THOC1: variants seen among roughly 807,000 people sequenced by gnomAD.
The protein encoded by THOC1 is THO complex 1.
THOC1 carries 29 observed loss-of-function variants against 97.3 expected under a neutral mutation model. That is an observed-to-expected ratio of 0.30 (90% CI 0.22 to 0.41). The LOEUF is 0.41. Among genes scored for constraint, THOC1 ranks in the 10% least tolerant of loss-of-function variants. THOC1 has a pLI of 1.00. For synonymous variants in THOC1, 255 were observed against 257.0 expected, an observed-to-expected ratio of 0.99 and a Z score of 0.07; for missense variants, 529 against 761.9, an observed-to-expected ratio of 0.69 and a Z score of 3.60.
chr18:218,404 C>T (rs1598286082), intron 18 of THOC1, among the ~76,000 whole-genome samples: 1 of 152,172 alleles, frequency 6.6e-6, no homozygotes, highest in East Asian at 1.9e-4. Context: ...GAGGCTAAGA[C>T]CAATTCCTGA....
chr18:249,992 T>A (rs560380149), intron 9 of THOC1, among the ~76,000 whole-genome samples: 29 of 152,206 alleles, frequency 1.9e-4, no homozygotes, highest in Non-Finnish European at 3.4e-4. Flanking sequence ...TTGTCTCAAT[T>A]GCTAAGAACT....
At position 242,204 on chromosome 18, in the gene THOC1, T is replaced by A; in HGVS notation, c.918+4120A>T. 6.6e-6 allele frequency among the ~76,000 whole-genome samples: 1 copy of A among 151,740 alleles called. No individual in the cohort carries two copies. The highest frequency in any genetic ancestry group is 2.1e-4 in the South Asian group (1 of 4,822). ...AAAGTTTATATCATCTGGCTGGGCGTGGTGGCTCACGCCTGTAATCCCTGC... is the reference window on the plus strand; with the variant it reads ...AAAGTTTATATCATCTGGCTGGGCGAGGTGGCTCACGCCTGTAATCCCTGC... On this transcript the variant is annotated intron_variant, in intron 11 of 20. Coordinates refer to ENST00000261600, the MANE Select transcript of THOC1 (RefSeq NM_005131.3). The surrounding 1 kb of genome is among the most constrained non-coding windows in gnomAD (Gnocchi z 4.5).
chr18:224,498 G>C (rs548618210), intron 15 of THOC1, among the ~76,000 whole-genome samples: 1 of 151,140 alleles, frequency 6.6e-6, no homozygotes, highest in Admixed American at 6.6e-5. Context: ...AGAATCGCTT[G>C]AACCCAAGAG....
At chr18:235,353 G>A (rs1911643363) in intron 11 of THOC1, among the ~76,000 whole-genome samples, 1 of 151,940 alleles carries the variant, frequency 6.6e-6, no homozygotes, top group African/African-American at 2.4e-5. Flanking sequence ...ATTTCACTAA[G>A]TTGTGCTATT....
chr18:253,168 T>C (rs949232420), intron 8 of THOC1, among the ~76,000 whole-genome samples: 2 of 152,232 alleles, frequency 1.3e-5, no homozygotes, highest in African/African-American at 4.8e-5. Context: ...CATGTGCCAC[T>C]GGTGGCTGTA....
In THOC1 at chr18:214,848, T is replaced by C. The variant is rs201476225; in HGVS notation, c.1752A>G (p.Gln584=). Residue 584 remains glutamine, a synonymous_variant, in exon 21 of 21, where the codon CAA becomes CAG. Coordinates refer to ENST00000261600, the MANE Select transcript of THOC1 (RefSeq NM_005131.3). ...CCAAGTAGGGAGCCAGAATCTTCCATTGTTCACCCAGCTTGTTGGCAAATA... is the reference window on the plus strand; with the variant it reads ...CCAAGTAGGGAGCCAGAATCTTCCACTGTTCACCCAGCTTGTTGGCAAATA... ...IEVFANKLGE[Q]WKILAPYLEM... 110 of 1,613,976 alleles carry C rather than the reference T, an allele frequency of 6.8e-5. No individual in the cohort carries two copies. The African/African-American group carries it at 1.2e-3, about 18-fold the overall frequency.
In THOC1 at chr18:265,370, A is replaced by G. The variant is rs373771609; in HGVS notation, c.129-7T>C. ...ACATTTTTTTTCATTTTCACTATTA[A>G]AAACAAAAGACATCCTCATTTTTCA... On this transcript the variant is annotated splice_polypyrimidine_tract_variant and splice_region_variant and intron_variant, in intron 2 of 20. Coordinates refer to ENST00000261600, the MANE Select transcript of THOC1 (RefSeq NM_005131.3). 77 of 1,604,156 alleles carry G rather than the reference A, an allele frequency of 4.8e-5. No individual in the cohort carries two copies. In the African/African-American group the frequency reaches 9.0e-4, roughly 19 times the overall value.
rs750315921 is a variant in THOC1 at position 214,855 on chromosome 18, C to A, written c.1745G>T (p.Gly582Val). The A allele has an allele frequency of 1.2e-6, 2 of 1,613,928 alleles. No individual in the cohort carries two copies. The highest frequency in any genetic ancestry group is 4.5e-5 in the East Asian group (2 of 44,878). Residue 582 changes from glycine (G) to valine (V), a missense_variant, in exon 21 of 21, where the codon GGT (glycine) becomes GTT (valine). Gly to Val is a moderately radical substitution (Grantham distance 109). Around this residue, in one of 8 missense-constraint regions of THOC1, gnomAD observed 98 missense variants for 111.9 expected, o/e 0.88. Coordinates refer to ENST00000261600, the MANE Select transcript of THOC1 (RefSeq NM_005131.3). ...GGGAGCCAGAATCTTCCATTGTTCA[C>A]CCAGCTTGTTGGCAAATACCTCTAT... is the stretch of plus-strand genomic sequence containing the variant. ...EQIEVFANKL[G>V]EQWKILAPYL...
intron 11 of THOC1, chr18:245,274 T>TC (rs1912051746): frequency 6.6e-6 from 1 of 152,182 alleles, no homozygotes; most frequent in East Asian, 1.9e-4. Context: ...AGGAGCCTTT[T>TC]CTTTTGGGAT....
intron 11 of THOC1, among the ~76,000 whole-genome samples, chr18:228,309 T>C (rs949741258): frequency 4.6e-5 from 7 of 152,174 alleles, no homozygotes; most frequent in African/African-American, 1.7e-4. Context: ...ATATACCTAA[T>C]ATTTGGATCT....
chr18:225,303 T>A lies in THOC1; in HGVS notation c.1086+34A>T, dbSNP rs372438779. The A allele has an allele frequency of 5.5e-5, 88 of 1,609,514 alleles. No homozygotes were observed. The East Asian group carries it at 1.3e-3, about 24-fold the overall frequency. ...CAAAGAAAATCCTAAATTTCCATTT[T>A]TTCAATCATGGGTTTGTTGCGTGTT... On this transcript the variant is annotated intron_variant, in intron 13 of 20. Coordinates refer to ENST00000261600, the MANE Select transcript of THOC1 (RefSeq NM_005131.3).
chr18:224,873 C>T (rs1019881586), intron 15 of THOC1, 51 bp downstream of exon 15: 22 of 1,405,314 alleles, frequency 1.6e-5, no homozygotes, highest in Middle Eastern at 2.1e-4. Context: ...AAGCCTTTCT[C>T]GTCGTTCTTG....
At chr18:265,086 A>G (rs2034091285) in intron 3 of THOC1, 5 of 504,122 alleles carry the variant, frequency 9.9e-6, no homozygotes, top group Non-Finnish European at 1.7e-5. Context: ...TCACTTGGAG[A>G]GGGCTCTTGT....
Position 225,118 on chromosome 18 carries a change from C to A in THOC1, c.1108G>T (p.Asp370Tyr). 6.3e-7 allele frequency: 1 copy of A among 1,576,852 alleles called. No individual in the cohort carries two copies. Among genetic ancestry groups the A allele is most frequent in the Non-Finnish European group, 8.6e-7 (1 of 1,159,674 alleles). ...ACCATCTTTGAAAATCTTTCTCCATCGGGGGGGTTTTCAGATAGTAGCTGT... is the reference window on the plus strand; with the variant it reads ...ACCATCTTTGAAAATCTTTCTCCATAGGGGGGGTTTTCAGATAGTAGCTGT... Reference protein sequence around the residue: ...VYQLLSENPPDGERFSKMVEH... With the variant: ...VYQLLSENPPYGERFSKMVEH... Residue 370 changes from aspartate (D) to tyrosine (Y), a missense_variant, in exon 14 of 21, where the codon GAT becomes TAT. Physicochemically the swap from Asp to Tyr is radical, Grantham distance 160. This residue lies in a region of THOC1 where 123 missense variants were observed against 159.0 expected (regional missense o/e 0.77). Coordinates refer to ENST00000261600, the MANE Select transcript of THOC1 (RefSeq NM_005131.3).
At chr18:261,613 A>C (rs958236677) in intron 4 of THOC1, among the ~76,000 whole-genome samples, 1 of 152,202 alleles carries the variant, frequency 6.6e-6, no homozygotes, top group African/African-American at 2.4e-5. Flanking sequence ...TACAGCAGAG[A>C]AGCAGTCTAG....
At position 259,899 on chromosome 18, in the gene THOC1, C is replaced by A. The variant is rs1329136035; in HGVS notation, c.376-169G>T. 1.5e-5 allele frequency: 8 copies of A among 549,438 alleles called. No homozygotes were observed. In the East Asian group the frequency reaches 2.6e-4, roughly 18 times the overall value. 34.0% of individuals were successfully genotyped at this position (549,438 alleles called of 1,614,324 possible). On this transcript the variant is annotated intron_variant, in intron 5 of 20. Transcript: ENST00000261600. ...ATTTTCAATGAAATAAAAATATTTT[C>A]AGATATAAGAAAACATGATACTAAG...
chr18:262,108 G>T (rs932019295), intron 4 of THOC1, among the ~76,000 whole-genome samples: 1 of 152,106 alleles, frequency 6.6e-6, no homozygotes, highest in Admixed American at 6.6e-5. Context: ...TTACCACATG[G>T]TAAATTTCAA....
At position 264,016 on chromosome 18, in the gene THOC1, C is replaced by T. The variant is rs1236544805; in HGVS notation, c.256+10G>A. The T allele has an allele frequency of 1.2e-6, 2 of 1,603,184 alleles. No individual in the cohort carries two copies. Among genetic ancestry groups the T allele is most frequent in the Admixed American group, 1.7e-5 (1 of 59,358 alleles). Reference sequence around the variant, plus strand: ...TTACTTTAAACAAAACAAAACGGAACCATACTTACCTTCAGTTACTCCCCC... The same window carrying T: ...TTACTTTAAACAAAACAAAACGGAATCATACTTACCTTCAGTTACTCCCCC... On this transcript the variant is annotated intron_variant, in intron 4 of 20. Transcript: ENST00000261600.
chr18:252,380 T>A (rs908248477), intron 9 of THOC1, among the ~76,000 whole-genome samples, 159 bp downstream of exon 9: 1 of 152,250 alleles, frequency 6.6e-6, no homozygotes, highest in Admixed American at 6.5e-5. Flanking sequence ...AGCCCATTAG[T>A]GATTTACGAT....
Sources: gnomAD v4.1 joint callset for allele counts (sites outside exome capture counted in the v4.1 genomes callset) on GRCh38, gnomAD v4.1.1 for gene constraint, gnomAD v4.1.1 regional missense constraint, Gnocchi (gnomAD v3.1) non-coding constraint, MANE v1.5 for transcripts, NCBI Gene and HGNC (gene_info 2026-07-23, HGNC 2026-07-21) for gene names.